Variants in PRR16 observed in about 807,000 individuals in gnomAD.
PRR16 encodes the protein protein Largen.
PRR16 carries 6 observed loss-of-function variants against 18.2 expected under a neutral mutation model. That is an observed-to-expected ratio of 0.33 (90% CI 0.18 to 0.65). The LOEUF (loss-of-function observed/expected upper bound fraction) is 0.65, where lower values mean the gene tolerates loss of function less well. PRR16 is among the 30% of genes least tolerant of loss of function. PRR16 has a pLI of 0.74. For missense variants in PRR16, 412 were observed against 376.6 expected (o/e 1.09, Z -0.78); for synonymous variants, 151 against 147.8 (o/e 1.02, Z -0.16).
chr5:120,622,759 G>T (rs893268436), intron 1 of PRR16, among the ~76,000 whole-genome samples: 2 of 152,034 alleles, frequency 1.3e-5, no homozygotes, highest in African/African-American at 4.8e-5. Flanking sequence ...TTACAGACGT[G>T]AGCCACCACG....
At chr5:120,593,496 G>C (rs1388006602) in intron 1 of PRR16, among the ~76,000 whole-genome samples, 1 of 147,652 alleles carries the variant, frequency 6.8e-6, no homozygotes, top group East Asian at 2.1e-4. Context: ...CTCCAAAACT[G>C]AATCAGTAAT....
At chr5:120,733,132 G>A in the PRR16 span, among the ~76,000 whole-genome samples, 4 of 152,162 alleles carry the variant, frequency 2.6e-5, no homozygotes, top group African/African-American at 9.6e-5. Flanking sequence ...TGGTATCTTT[G>A]GAGTTGTATA....
At chr5:120,756,539 A>G in the PRR16 span, among the ~76,000 whole-genome samples, 1 of 151,598 alleles carries the variant, frequency 6.6e-6, no homozygotes, top group Non-Finnish European at 1.5e-5. Flanking sequence ...CATTTCTCTG[A>G]TAATTAGTAA....
chr5:120,741,169 G>C, the PRR16 span, among the ~76,000 whole-genome samples: 1 of 151,722 alleles, frequency 6.6e-6, no homozygotes, highest in Non-Finnish European at 1.5e-5. Flanking sequence ...TTTTGCATGT[G>C]GACCTTAAAT....
At chr5:120,545,272 C>T (rs1403295536) in intron 1 of PRR16, among the ~76,000 whole-genome samples, 3 of 151,966 alleles carry the variant, frequency 2.0e-5, no homozygotes, top group African/African-American at 4.8e-5. Context: ...AATTAGATTT[C>T]GTTAGATAAT....
At chr5:120,722,206 C>G in the PRR16 span, among the ~76,000 whole-genome samples, 1 of 151,940 alleles carries the variant, frequency 6.6e-6, no homozygotes, top group Non-Finnish European at 1.5e-5. Flanking sequence ...TGAACTCATC[C>G]TCTTTTATGG....
intron 1 of PRR16, among the ~76,000 whole-genome samples, chr5:120,544,047 A>C (rs1027306562): frequency 2.0e-5 from 3 of 152,194 alleles, no homozygotes; most frequent in Non-Finnish European, 4.4e-5. Flanking sequence ...TTTCTGTAAT[A>C]ACCCCTTGGT....
intron 1 of PRR16, among the ~76,000 whole-genome samples, chr5:120,636,299 C>T (rs1473343944): frequency 6.6e-6 from 1 of 151,884 alleles, no homozygotes; most frequent in African/African-American, 2.4e-5. Context: ...CATGGAACCA[C>T]AAAAGAGCCC....
chr5:120,529,810 A>G (rs1476420125), intron 1 of PRR16, among the ~76,000 whole-genome samples: 1 of 152,168 alleles, frequency 6.6e-6, no homozygotes, highest in Non-Finnish European at 1.5e-5. Context: ...AATAATTGTC[A>G]AAGGATCTAG....
At position 120,686,318 on chromosome 5, in the gene PRR16, C is replaced by G; in HGVS notation, c.524C>G (p.Pro175Arg). The G allele has an allele frequency of 1.2e-6, 2 of 1,614,044 alleles. No individual in the cohort carries two copies. Among genetic ancestry groups the G allele is most frequent in the South Asian group, 1.1e-5 (1 of 91,070 alleles). ...CCAAATGGAGATATCTGCTGCATAC[C>G]CAACAGTAACTTGGACAAGGCTCCA... is the stretch of plus-strand genomic sequence containing the variant. ...KIPNGDICCI[P>R]NSNLDKAPVQ... Residue 175 changes from proline to arginine, a missense_variant, in exon 2 of 2, where the codon CCC becomes CGC. Pro to Arg is a moderately radical substitution (Grantham distance 103). Coordinates refer to ENST00000407149, the MANE Select transcript of PRR16 (RefSeq NM_001300783.2).
At chr5:120,538,606 T>C (rs1045434694) in intron 1 of PRR16, among the ~76,000 whole-genome samples, 13 of 152,340 alleles carry the variant, frequency 8.5e-5, no homozygotes, top group Admixed American at 8.5e-4. Context: ...GATAACTGCT[T>C]GGTGGTTTGA....
At chr5:120,492,853 C>T (rs1750108802) in intron 1 of PRR16, among the ~76,000 whole-genome samples, 1 of 152,140 alleles carries the variant, frequency 6.6e-6, no homozygotes. Flanking sequence ...GAATAATGGC[C>T]TCCAGTTCCA....
At chr5:120,470,562 C>A (rs942206987) in intron 1 of PRR16, among the ~76,000 whole-genome samples, 6 of 152,026 alleles carry the variant, frequency 3.9e-5, no homozygotes, top group African/African-American at 1.4e-4. Context: ...CTATAAGTTA[C>A]TTCATACTTC....
chr5:120,760,100 T>C, the PRR16 span, among the ~76,000 whole-genome samples: 15 of 152,264 alleles, frequency 9.9e-5, no homozygotes, highest in East Asian at 2.7e-3. Flanking sequence ...GGGTGTAAGT[T>C]AATTTTGATA....
At chr5:120,703,314 A>G in the PRR16 span, among the ~76,000 whole-genome samples, 3 of 152,100 alleles carry the variant, frequency 2.0e-5, no homozygotes, top group Non-Finnish European at 2.9e-5. Flanking sequence ...AAGTGTATTC[A>G]CTTCTTTTGT....
At chr5:120,545,273 G>A (rs1023186866) in intron 1 of PRR16, among the ~76,000 whole-genome samples, 2 of 151,928 alleles carry the variant, frequency 1.3e-5, no homozygotes, top group African/African-American at 2.4e-5. Flanking sequence ...ATTAGATTTC[G>A]TTAGATAATA....
intron 1 of PRR16, among the ~76,000 whole-genome samples, chr5:120,678,362 C>T (rs557798794): frequency 3.9e-5 from 6 of 152,228 alleles, no homozygotes; most frequent in Non-Finnish European, 7.4e-5. Flanking sequence ...TCAGACCTAA[C>T]CATGGAAAGC....
At chr5:120,577,146 C>T (rs1426342549) in intron 1 of PRR16, among the ~76,000 whole-genome samples, 1 of 151,700 alleles carries the variant, frequency 6.6e-6, no homozygotes, top group Admixed American at 6.6e-5. Flanking sequence ...TAATATGATT[C>T]ACATATATAT....
intron 1 of PRR16, among the ~76,000 whole-genome samples, chr5:120,649,691 A>G (rs1034820084): frequency 8.5e-5 from 13 of 152,252 alleles, no homozygotes; most frequent in Admixed American, 2.0e-4. Flanking sequence ...GGGTTATTAG[A>G]TTAAGAAAAT....
Sources: allele counts gnomAD v4.1 joint callset (sites outside exome capture counted in the v4.1 genomes callset), GRCh38; gene constraint gnomAD v4.1.1; transcripts MANE v1.5; gene names NCBI Gene and HGNC (gene_info 2026-07-23, HGNC 2026-07-21).